The following FER variants were observed in gnomAD, a reference collection of about 807,000 sequenced individuals.
FER encodes the protein FER tyrosine kinase.
Under a neutral mutation model 111.0 loss-of-function variants are expected in FER, and 63 were observed. That is an observed-to-expected ratio of 0.57 (90% CI 0.46 to 0.70). FER has a LOEUF of 0.70. Ranked by LOEUF, FER falls within the 30% of genes least tolerant of loss-of-function variation. The pLI is 0.00. For synonymous variants in FER, 327 were observed against 313.9 expected (o/e 1.04, Z -0.44); for missense variants, 914 against 954.0 (o/e 0.96, Z 0.55).
At chr5:108,864,423 C>T (rs1236701793) in intron 5 of FER, among the ~76,000 whole-genome samples, 2 of 152,112 alleles carry the variant, frequency 1.3e-5, no homozygotes, top group Non-Finnish European at 2.9e-5. Flanking sequence ...CAAAAACCCT[C>T]ACCTTTTCTC....
chr5:108,871,545 A>C (rs1312522312), intron 7 of FER, 43 bp downstream of exon 7: 1 of 1,456,076 alleles, frequency 6.9e-7, no homozygotes, highest in South Asian at 1.4e-5. Flanking sequence ...TGACAGTATT[A>C]TTTTTCATTC....
At chr5:108,772,417 A>T (rs1449600629) in intron 2 of FER, among the ~76,000 whole-genome samples, 1 of 138,590 alleles carries the variant, frequency 7.2e-6, no homozygotes, top group Non-Finnish European at 1.6e-5. Flanking sequence ...ATGCCTCTTT[A>T]TTCTTTTTTA....
intron 1 of FER, chr5:108,748,627 C>T (rs1346204963): frequency 1.3e-5 from 2 of 152,346 alleles, no homozygotes; most frequent in African/African-American, 4.8e-5. Context: ...GGACTCCACC[C>T]GGGCTGGTGA....
At chr5:108,802,332 G>A (rs903301692) in intron 3 of FER, among the ~76,000 whole-genome samples, 1 of 151,944 alleles carries the variant, frequency 6.6e-6, no homozygotes, top group African/African-American at 2.4e-5. Context: ...AAATAAAAAT[G>A]ATATACATTT....
rs544263528 is a variant in FER, at chr5:108,790,276, C to G, written c.-59-7848C>G. Reference sequence around the variant, plus strand: ...ACACACACACACACACACACACACTCTTACATACATATACATATGTGATTT... The same window carrying G: ...ACACACACACACACACACACACACTGTTACATACATATACATATGTGATTT... On this transcript the variant is annotated intron_variant, in intron 2 of 19. Transcript: ENST00000281092. Among the ~76,000 whole-genome samples, 4 of 149,898 alleles carry G rather than the reference C, an allele frequency of 2.7e-5. No homozygotes were observed. In the South Asian group the frequency reaches 8.5e-4, roughly 32 times the overall value.
chr5:109,140,875 CCCCTCATAAGTCA>C (rs1753448216), intron 17 of FER, among the ~76,000 whole-genome samples: 2 of 152,142 alleles, frequency 1.3e-5, no homozygotes, highest in Admixed American at 1.3e-4. Context: ...CAAGAACAGT[CCCCTCATAAGTCA>C]TTATTGCCCC....
chr5:109,069,993 A>G (rs1196231019), intron 16 of FER, among the ~76,000 whole-genome samples: 1 of 152,124 alleles, frequency 6.6e-6, no homozygotes, highest in Non-Finnish European at 1.5e-5. Flanking sequence ...TTGTACTTTT[A>G]TAACTTTTTA....
chr5:109,077,401 A>G (rs758818084), intron 16 of FER, among the ~76,000 whole-genome samples: 8 of 152,352 alleles, frequency 5.3e-5, no homozygotes, highest in Non-Finnish European at 1.0e-4. Flanking sequence ...CCTTAAGGTA[A>G]CATAATTGTT....
At chr5:109,165,379 AGTG>A (rs1166447322) in intron 17 of FER, among the ~76,000 whole-genome samples, 1 of 152,124 alleles carries the variant, frequency 6.6e-6, no homozygotes, top group Non-Finnish European at 1.5e-5. Flanking sequence ...TCAGACTAAA[AGTG>A]GTAGTAGTAG....
intron 10 of FER, among the ~76,000 whole-genome samples, chr5:108,937,411 A>G (rs1007110694): frequency 1.3e-5 from 2 of 152,028 alleles, no homozygotes; most frequent in African/African-American, 4.8e-5. Context: ...TTCAACATTC[A>G]AGTTTGGAGC....
chr5:108,908,140 TA>T (rs1561597391), intron 10 of FER, among the ~76,000 whole-genome samples: 2 of 152,196 alleles, frequency 1.3e-5, no homozygotes, highest in Non-Finnish European at 2.9e-5. Flanking sequence ...CGTTTTGTGT[TA>T]ATTAAAAAAC....
At chr5:108,989,090 G>T (rs1045434181) in intron 13 of FER, among the ~76,000 whole-genome samples, 4 of 152,010 alleles carry the variant, frequency 2.6e-5, no homozygotes, top group African/African-American at 9.7e-5. Flanking sequence ...TGGTTTTGAG[G>T]TTCCTTTTGG....
chr5:108,748,949 T>G (rs1457014539), intron 1 of FER: 2 of 152,734 alleles, frequency 1.3e-5, no homozygotes, highest in Non-Finnish European at 2.9e-5. Flanking sequence ...CGCGGGGTGG[T>G]GACTGGCTCC....
chr5:108,990,472 A>C (rs185243622), intron 13 of FER, among the ~76,000 whole-genome samples: 1 of 151,980 alleles, frequency 6.6e-6, no homozygotes, highest in African/African-American at 2.4e-5. Context: ...ATGTAGATAC[A>C]TTTCATCCTA....
At chr5:109,086,419 GT>G (rs1216707660) in intron 16 of FER, among the ~76,000 whole-genome samples, 1 of 151,386 alleles carries the variant, frequency 6.6e-6, no homozygotes, top group Admixed American at 6.6e-5. Flanking sequence ...CCCTTTTTTG[GT>G]GGGTTGTGGG....
chr5:108,790,238 CA>C (rs1345896106), intron 2 of FER, among the ~76,000 whole-genome samples: 6 of 31,248 alleles, frequency 1.9e-4, no homozygotes, highest in African/African-American at 3.4e-4. Context: ...ATACACACCA[CA>C]CACACACACA....
intron 16 of FER, among the ~76,000 whole-genome samples, chr5:109,073,957 T>C (rs1452533329): frequency 6.6e-6 from 1 of 152,040 alleles, no homozygotes; most frequent in African/African-American, 2.4e-5. Context: ...AGTAAAAGAA[T>C]CATTACCTAA....
At chr5:108,914,594 A>G (rs1340666081) in intron 10 of FER, among the ~76,000 whole-genome samples, 2 of 152,340 alleles carry the variant, frequency 1.3e-5, no homozygotes, top group Non-Finnish European at 2.9e-5. Context: ...GTTAAGCATC[A>G]TCAGACATTA....
intron 11 of FER, among the ~76,000 whole-genome samples, chr5:108,952,049 A>G (rs1192431797): frequency 6.6e-6 from 1 of 152,142 alleles, no homozygotes; most frequent in Non-Finnish European, 1.5e-5. Flanking sequence ...AACAAGATCT[A>G]GGGAAAATAA....
Sources: gnomAD v4.1 joint callset for allele counts (sites outside exome capture counted in the v4.1 genomes callset) on GRCh38, gnomAD v4.1.1 for gene constraint, MANE v1.5 for transcripts, NCBI Gene and HGNC (gene_info 2026-07-23, HGNC 2026-07-21) for gene names.